GPN1: variants seen among roughly 807,000 people sequenced by gnomAD.
GPN1 encodes the protein ATP(GTP)-binding protein.
GPN1 carries 44 observed loss-of-function variants against 55.9 expected under a neutral mutation model. The observed-to-expected ratio is 0.79, with a 90% CI of 0.62 to 1.01. The LOEUF (loss-of-function observed/expected upper bound fraction) is 1.01, where lower values mean the gene tolerates loss of function less well. Among genes scored for constraint, GPN1 ranks in the 50% least tolerant of loss-of-function variants. The pLI is 0.00. For synonymous variants in GPN1, 179 were observed against 162.5 expected (o/e 1.10, Z -0.77); for missense variants, 466 against 462.8 (o/e 1.01, Z -0.06).
At position 27,635,232 on chromosome 2, in the gene GPN1, C is replaced by CATAGAGTACTGAGGGA; in HGVS notation, c.523_524insTAGAGTACTGAGGGAA (p.Ser175IlefsTer4). The stretch of plus-strand genomic sequence containing the variant: ...TCATGTCCAACATGCTCTATGCCTG[C>CATAGAGTACTGAGGGA]AGGTAATTGATTGTTGGTGGGGAAA... On this transcript the variant is annotated stop_gained and frameshift_variant and splice_region_variant, in exon 7 of 14. Coordinates refer to ENST00000610189, the MANE Select transcript of GPN1 (RefSeq NM_007266.4). LOFTEE classifies it high-confidence loss of function. 6.7e-7 allele frequency: 1 copy of CATAGAGTACTGAGGGA among 1,496,160 alleles called. No homozygotes were observed. The highest frequency in any genetic ancestry group is 9.3e-7 in the Non-Finnish European group (1 of 1,076,636). The allele number at this position is 1,496,160 out of a possible 1,614,324, so 92.7% of individuals were successfully genotyped here. A position where few individuals can be genotyped will look rare whatever the true frequency, so the allele number is the denominator to read the frequency against.
At chr2:27,640,151 A>T in intron 10 of GPN1, 26 bp downstream of exon 10, 1 of 1,423,720 alleles carries the variant, frequency 7.0e-7, no homozygotes. Flanking sequence ...AATTCTATTG[A>T]TGACATTCTT....
chr2:27,628,290 C>T, upstream of GPN1: 1 of 1,116,900 alleles, frequency 9.0e-7, no homozygotes, highest in Non-Finnish European at 1.2e-6. Context: ...ACTGGGTGGT[C>T]AGGAGTAGAA....
chr2:27,629,587 C>A, intron 1 of GPN1: 1 of 656,886 alleles, frequency 1.5e-6, no homozygotes. Context: ...ATTCGTGGGG[C>A]CAAATATTTA....
At position 27,638,950 on chromosome 2, in the gene GPN1, C is replaced by T. The variant is rs1572957243; in HGVS notation, c.636C>T (p.Ala212=). The change falls in exon 9 of 14, where the codon GCC becomes GCT. Residue 212 remains alanine (A), a synonymous_variant. Coordinates refer to ENST00000610189, the MANE Select transcript of GPN1 (RefSeq NM_007266.4). ...WMQDFEAFQD[A]LNQETTYVSN... is the part of the protein sequence containing the mutation. ...AGGATTTTGAGGCTTTCCAAGATGC[C>T]TTGAATCAAGAGACTACATACGTCA... The T allele has an allele frequency of 3.1e-6, 5 of 1,613,548 alleles. No individual in the cohort carries two copies. Among genetic ancestry groups the T allele is most frequent in the Non-Finnish European group, 4.2e-6 (5 of 1,179,496 alleles).
In GPN1 at chr2:27,650,791, TAATG is replaced by T. The variant is rs2148100071; in HGVS notation, c.*595_*598del. ...TTGAAAAAAGTGGGCAAGACATGAT[TAATG>T]AATCAGAATCCTGTTTCATTGGTGA... On this transcript the variant is annotated 3_prime_UTR_variant, in exon 14 of 14. Coordinates refer to ENST00000610189, the MANE Select transcript of GPN1 (RefSeq NM_007266.4). 1 of 152,920 alleles carries T rather than the reference TAATG, an allele frequency of 6.5e-6. No individual in the cohort carries two copies. The highest frequency in any genetic ancestry group is 2.1e-4 in the South Asian group (1 of 4,830). The allele number at this position is 152,920 out of a possible 1,614,324, so 9.5% of individuals were successfully genotyped here. A position where few individuals can be genotyped will look rare whatever the true frequency, so the allele number is the denominator to read the frequency against.
intron 6 of GPN1, 41 bp downstream of exon 6, chr2:27,634,965 G>A (rs761312699): frequency 1.0e-5 from 12 of 1,182,576 alleles, no homozygotes; most frequent in African/African-American, 1.5e-5. Flanking sequence ...AGCTAGAGGG[G>A]CTAGACTGGA....
At chr2:27,640,221 A>G in intron 10 of GPN1, 96 bp downstream of exon 10, 1 of 826,788 alleles carries the variant, frequency 1.2e-6, no homozygotes, top group East Asian at 2.4e-5. Context: ...CATTTTCATG[A>G]TGGATGTATT....
At chr2:27,645,725 A>G (rs1674196262) in intron 12 of GPN1, among the ~76,000 whole-genome samples, 1 of 151,894 alleles carries the variant, frequency 6.6e-6, no homozygotes, top group South Asian at 2.1e-4. Context: ...TTTTAAAACA[A>G]ATCATCTTTA....
In GPN1 at chr2:27,650,397, G is replaced by A; in HGVS notation, c.*197G>A. ...AGACCCTTGGACCTGGCAGGTTAAT[G>A]CTGATTATTCCTTGGCCTTTCCCTT... On this transcript the variant is annotated 3_prime_UTR_variant, in exon 14 of 14. Transcript: ENST00000610189. 1 of 418,890 alleles carries A rather than the reference G, an allele frequency of 2.4e-6. No individual in the cohort carries two copies. Among genetic ancestry groups the A allele is most frequent in the Non-Finnish European group, 4.4e-6 (1 of 229,486 alleles). The allele number at this position is 418,890 out of a possible 1,614,324, so 25.9% of individuals were successfully genotyped here. A position where few individuals can be genotyped will look rare whatever the true frequency, so the allele number is the denominator to read the frequency against.
chr2:27,628,532 G>A, upstream of GPN1: 1 of 1,551,414 alleles, frequency 6.4e-7, no homozygotes, highest in Non-Finnish European at 8.7e-7. Flanking sequence ...GAAAGCTCCC[G>A]TAGTTTATTC....
chr2:27,629,336 T>C (rs1264480455), intron 1 of GPN1, 167 bp downstream of exon 1: 1 of 1,521,530 alleles, frequency 6.6e-7, no homozygotes, highest in Non-Finnish European at 8.9e-7. Context: ...CCTCGGGCCC[T>C]AGCCAGGTTA....
Position 27,643,189 on chromosome 2 carries a change from T to TA in GPN1, c.931+678dup, listed in dbSNP as rs1422240651. On this transcript the variant is annotated intron_variant, in intron 12 of 13. Coordinates refer to ENST00000610189, the MANE Select transcript of GPN1 (RefSeq NM_007266.4). The surrounding 1 kb of genome is among the most constrained non-coding windows in gnomAD (Gnocchi z 4.0). ...AACCCTCCTCAATTTTTTTTATAATTAAAAAAAATTTTTTTTTTTTTACAG... is the reference window on the plus strand; with the variant it reads ...AACCCTCCTCAATTTTTTTTATAATTAAAAAAAAATTTTTTTTTTTTTACAG... 2.0e-5 allele frequency among the ~76,000 whole-genome samples: 3 copies of TA among 150,514 alleles called. No individual in the cohort carries two copies. Among genetic ancestry groups the TA allele is most frequent in the East Asian group, 1.9e-4 (1 of 5,146 alleles).
intron 11 of GPN1, among the ~76,000 whole-genome samples, chr2:27,641,594 A>T (rs1417053865): frequency 6.6e-6 from 1 of 151,584 alleles, no homozygotes; most frequent in African/African-American, 2.4e-5. Context: ...GTGCTTCACA[A>T]CTCCTTTTCT....
intron 10 of GPN1, among the ~76,000 whole-genome samples, chr2:27,640,855 T>G (rs1673917562): frequency 6.6e-6 from 1 of 152,220 alleles, no homozygotes; most frequent in Non-Finnish European, 1.5e-5. Flanking sequence ...GGATAGACTC[T>G]TTTCTGTATC....
intron 13 of GPN1, among the ~76,000 whole-genome samples, chr2:27,648,522 C>T (rs1449323259): frequency 6.6e-6 from 1 of 152,014 alleles, no homozygotes; most frequent in Admixed American, 6.6e-5. Flanking sequence ...ATCTCAAAAA[C>T]AAAAAACACA....
Position 27,629,758 on chromosome 2 carries a change from A to G in GPN1, c.112-101A>G, listed in dbSNP as rs373683902. 6 of 718,668 alleles carry G rather than the reference A, an allele frequency of 8.3e-6. No individual in the cohort carries two copies. The African/African-American group carries it at 1.1e-4, about 13-fold the overall frequency. The allele number at this position is 718,668 out of a possible 1,614,324, so 44.5% of individuals were successfully genotyped here. A position where few individuals can be genotyped will look rare whatever the true frequency, so the allele number is the denominator to read the frequency against. On this transcript the variant is annotated intron_variant, in intron 1 of 13. Coordinates refer to ENST00000610189, the MANE Select transcript of GPN1 (RefSeq NM_007266.4). ...ATGGTGGATATTTCAGGTAGAAGAA[A>G]ATCTAAGTGCAATATTCTTAAGGCA...
At chr2:27,631,454 G>A (rs920787465) in intron 3 of GPN1, 2 of 413,030 alleles carry the variant, frequency 4.8e-6, no homozygotes, top group South Asian at 2.8e-5. Context: ...TACTCTCTCC[G>A]TAGGCAAGTC....
In GPN1 at chr2:27,639,049, C is replaced by G; in HGVS notation, c.717+18C>G. 3 of 1,581,146 alleles carry G rather than the reference C, an allele frequency of 1.9e-6. No homozygotes were observed. Among genetic ancestry groups the G allele is most frequent in the Non-Finnish European group, 2.6e-6 (3 of 1,158,400 alleles). On this transcript the variant is annotated intron_variant, in intron 9 of 13. Transcript: ENST00000610189. The stretch of plus-strand genomic sequence containing the variant: ...CACTCAGGGTAAATTTTCTCTCCTG[C>G]TCACACTGACAGCCTCTCCAGATAA...
upstream of GPN1, chr2:27,628,983 C>T: frequency 6.3e-7 from 1 of 1,588,492 alleles, no homozygotes; most frequent in Non-Finnish European, 8.6e-7. Flanking sequence ...GGTTTTCGTT[C>T]GCAGCCCAGA....
Sources: allele counts gnomAD v4.1 joint callset (sites outside exome capture counted in the v4.1 genomes callset), GRCh38; gene constraint gnomAD v4.1.1; non-coding constraint Gnocchi (gnomAD v3.1); transcripts MANE v1.5; gene names NCBI Gene and HGNC (gene_info 2026-07-23, HGNC 2026-07-21).